Variants in SRPK2 observed in about 807,000 individuals in gnomAD.
The protein encoded by SRPK2 is SRSF protein kinase 2.
A neutral mutation model predicts 90.8 loss-of-function variants in SRPK2; 21 were observed. The observed-to-expected ratio is 0.23, with a 90% CI of 0.16 to 0.33. SRPK2 has a LOEUF of 0.33. Among genes scored for constraint, SRPK2 ranks in the 10% least tolerant of loss-of-function variants. SRPK2 has a pLI of 1.00. For missense variants in SRPK2, 620 were observed against 869.0 expected, an observed-to-expected ratio of 0.71 and a Z score of 3.60; for synonymous variants, 288 against 311.1, an observed-to-expected ratio of 0.93 and a Z score of 0.78.
chr7:105,354,717 G>GT (rs762289553), intron 2 of SRPK2, among the ~76,000 whole-genome samples: 7 of 152,264 alleles, frequency 4.6e-5, no homozygotes, highest in Middle Eastern at 3.4e-3. Context: ...GCCTCCTGTT[G>GT]TTTTTTAATA....
chr7:105,319,238 T>C (rs1173533768), intron 2 of SRPK2, among the ~76,000 whole-genome samples: 1 of 152,192 alleles, frequency 6.6e-6, no homozygotes, highest in Non-Finnish European at 1.5e-5. Flanking sequence ...TTTTCATCAC[T>C]GCAAACGTCC....
chr7:105,314,096 C>T (rs1055630903), intron 2 of SRPK2, among the ~76,000 whole-genome samples: 2 of 151,962 alleles, frequency 1.3e-5, no homozygotes, highest in Admixed American at 6.6e-5. Flanking sequence ...CTTTGGGAGG[C>T]GAGGCTGGCC....
intron 2 of SRPK2, among the ~76,000 whole-genome samples, chr7:105,296,330 C>G (rs964720650): frequency 2.0e-5 from 3 of 152,180 alleles, no homozygotes; most frequent in Non-Finnish European, 4.4e-5. Flanking sequence ...AATTTACCAA[C>G]TTTTCTGAAT....
At chr7:105,294,290 T>C (rs751472525) in intron 2 of SRPK2, among the ~76,000 whole-genome samples, 1 of 152,246 alleles carries the variant, frequency 6.6e-6, no homozygotes, top group Non-Finnish European at 1.5e-5. Context: ...ATTCAACATT[T>C]TGTATTCAAA....
Position 105,126,843 on chromosome 7 carries a change from G to C in SRPK2, c.1822+150C>G, listed in dbSNP as rs1370552212. On this transcript the variant is annotated intron_variant, in intron 14 of 15. Coordinates refer to ENST00000393651, the MANE Select transcript of SRPK2 (RefSeq NM_182692.3). ...GCTCTGCCCATTCACTGAGACTGAGGGGGCATCAAACTCAAAGGAAAAGCA... is the reference window on the plus strand; with the variant it reads ...GCTCTGCCCATTCACTGAGACTGAGCGGGCATCAAACTCAAAGGAAAAGCA... The C allele has an allele frequency of 1.1e-5, 8 of 743,420 alleles. No homozygotes were observed. The Admixed American group carries it at 1.8e-4, about 17-fold the overall frequency. The allele number at this position is 743,420 out of a possible 1,614,324, so 46.1% of individuals were successfully genotyped here.
At chr7:105,157,131 G>C (rs1208777949) in intron 7 of SRPK2, among the ~76,000 whole-genome samples, 2 of 152,194 alleles carry the variant, frequency 1.3e-5, no homozygotes, top group African/African-American at 4.8e-5. Context: ...AAAGGTACTA[G>C]CTGGAGGTGA....
Position 105,388,895 on chromosome 7 carries a change from G to A in SRPK2, c.-89C>T, listed in dbSNP as rs1277669991. On this transcript the variant is annotated 5_prime_UTR_variant, in exon 1 of 16. Coordinates refer to ENST00000393651, the MANE Select transcript of SRPK2 (RefSeq NM_182692.3). ...GGCTGCAGCCTCCACTCGCTCCGCC[G>A]GCCGGGAGGAGACGAGAACCGCGCC... 7 of 1,238,084 alleles carry A rather than the reference G, an allele frequency of 5.7e-6. No individual in the cohort carries two copies. The highest frequency in any genetic ancestry group is 6.8e-5 in the South Asian group (2 of 29,442). The allele number at this position is 1,238,084 out of a possible 1,614,324, so 76.7% of individuals were successfully genotyped here. A position where few individuals can be genotyped will look rare whatever the true frequency, so the allele number is the denominator to read the frequency against.
chr7:105,384,108 T>C (rs1028115486), intron 2 of SRPK2, among the ~76,000 whole-genome samples: 1 of 152,208 alleles, frequency 6.6e-6, no homozygotes, highest in Non-Finnish European at 1.5e-5. Flanking sequence ...TTTTATGGTA[T>C]GTGAACTATA....
intron 3 of SRPK2, among the ~76,000 whole-genome samples, chr7:105,178,630 G>A (rs901257038): frequency 6.6e-6 from 1 of 151,948 alleles, no homozygotes. Flanking sequence ...ACTAGCCTGG[G>A]CAAAAGAGTG....
At position 105,388,693 on chromosome 7, in the gene SRPK2, A is replaced by G; in HGVS notation, c.26T>C (p.Ile9Thr). 4 of 1,586,700 alleles carry G rather than the reference A, an allele frequency of 2.5e-6. No individual in the cohort carries two copies. Among genetic ancestry groups the G allele is most frequent in the South Asian group, 1.1e-5 (1 of 88,560 alleles). MSSRKVLAIQARKRRPKRE... is the reference protein window; with the variant it reads MSSRKVLATQARKRRPKRE... The stretch of plus-strand genomic sequence containing the variant: ...TTTCGGCCTCCGCTTTCGGGCCTGA[A>G]TGGCCAGCACTGGGGAAGAGAAGAC... Residue 9 changes from isoleucine (I) to threonine (T), a missense_variant, in exon 2 of 16, where the codon ATT becomes ACT. By Grantham distance (89) the Ile-to-Thr change is moderately conservative. Around this residue, in one of 8 missense-constraint regions of SRPK2, gnomAD observed 56 missense variants for 49.6 expected, o/e 1.13. Coordinates refer to ENST00000393651, the MANE Select transcript of SRPK2 (RefSeq NM_182692.3).
At chr7:105,196,515 C>G (rs1794933908) in intron 3 of SRPK2, among the ~76,000 whole-genome samples, 1 of 152,160 alleles carries the variant, frequency 6.6e-6, no homozygotes, top group Non-Finnish European at 1.5e-5. Context: ...GCTGTGGAAC[C>G]TTTAGCAGCA....
chr7:105,186,109 T>C (rs1793543899), intron 3 of SRPK2, among the ~76,000 whole-genome samples: 1 of 152,230 alleles, frequency 6.6e-6, no homozygotes, highest in Admixed American at 6.5e-5. Context: ...TTATATAAGG[T>C]ATTTTCAAAC....
chr7:105,233,149 A>AAGGAAGGAAGGAAGGAAGGG (rs1175923030), intron 2 of SRPK2, among the ~76,000 whole-genome samples: 11 of 147,308 alleles, frequency 7.5e-5, no homozygotes, highest in African/African-American at 2.8e-4. Context: ...GGAAGGAAGG[A>AAGGAAGGAAGGAAGGAAGGG]AGGGGAAAGG....
At chr7:105,136,592 A>G (rs1802838343) in intron 11 of SRPK2, among the ~76,000 whole-genome samples, 3 of 152,200 alleles carry the variant, frequency 2.0e-5, no homozygotes, top group Admixed American at 1.3e-4. Context: ...CACTGTGGTC[A>G]CTCATTCCAC....
At chr7:105,345,736 T>C (rs1407679391) in intron 2 of SRPK2, among the ~76,000 whole-genome samples, 1 of 152,224 alleles carries the variant, frequency 6.6e-6, no homozygotes, top group Non-Finnish European at 1.5e-5. Context: ...AAAACAGACA[T>C]GGTCTGTGAG....
chr7:105,273,128 T>C (rs925198500), intron 2 of SRPK2, among the ~76,000 whole-genome samples: 3 of 151,116 alleles, frequency 2.0e-5, no homozygotes, highest in Non-Finnish European at 4.4e-5. Context: ...GGCAGGAGAA[T>C]GGCATGAACC....
intron 2 of SRPK2, among the ~76,000 whole-genome samples, chr7:105,371,625 T>C (rs1209845052): frequency 2.1e-5 from 3 of 145,318 alleles, no homozygotes; most frequent in African/African-American, 7.6e-5. Context: ...GTATGGTAGG[T>C]AGTGCATGCC....
rs1429640504 is a variant in SRPK2 at position 105,320,039 on chromosome 7, T to C, written c.71+68609A>G. Among the ~76,000 whole-genome samples, 4 of 152,180 alleles carry C rather than the reference T, an allele frequency of 2.6e-5. No homozygotes were observed. In the East Asian group the frequency reaches 7.7e-4, roughly 29 times the overall value. The stretch of plus-strand genomic sequence containing the variant: ...ACATTCCAAATAATAACATTCCAAA[T>C]AATAAAATGGTCTTTCCACCAATCC... On this transcript the variant is annotated intron_variant, in intron 2 of 15. Coordinates refer to ENST00000393651, the MANE Select transcript of SRPK2 (RefSeq NM_182692.3).
chr7:105,157,858 G>A (rs764638522), intron 7 of SRPK2, among the ~76,000 whole-genome samples: 1 of 152,192 alleles, frequency 6.6e-6, no homozygotes, highest in East Asian at 1.9e-4. Context: ...TTGAGTCCAG[G>A]AGACAAAGAG....
Sources: allele counts gnomAD v4.1 joint callset (sites outside exome capture counted in the v4.1 genomes callset), GRCh38; gene constraint gnomAD v4.1.1; regional missense constraint gnomAD v4.1.1; transcripts MANE v1.5; gene names NCBI Gene and HGNC (gene_info 2026-07-23, HGNC 2026-07-21).